The following SVEP1 variants were observed in gnomAD, a reference collection of about 807,000 sequenced individuals.
SVEP1 encodes the protein sushi, von Willebrand factor type A, EGF and pentraxin domain-containing protein 1.
SVEP1 carries 164 observed loss-of-function variants against 367.3 expected under a neutral mutation model. The observed-to-expected ratio is 0.45, with a 90% CI of 0.39 to 0.51. The LOEUF (loss-of-function observed/expected upper bound fraction) is 0.51. Among genes scored for constraint, SVEP1 ranks in the 20% least tolerant of loss-of-function variants. The pLI is 0.00. For synonymous variants in SVEP1, 1,666 were observed against 1,611.6 expected (o/e 1.03, Z -0.81); for missense variants, 4,117 against 4,425.3 (o/e 0.93, Z 1.98).
At chr9:110,530,852 G>C (rs955685269) in intron 3 of SVEP1, among the ~76,000 whole-genome samples, 2 of 152,034 alleles carry the variant, frequency 1.3e-5, no homozygotes, top group African/African-American at 4.8e-5. Flanking sequence ...TCATATATCA[G>C]GATCAGTAAA....
chr9:110,378,001 A>T (rs1827376905), intron 44 of SVEP1, among the ~76,000 whole-genome samples: 1 of 152,210 alleles, frequency 6.6e-6, no homozygotes, highest in Non-Finnish European at 1.5e-5. Flanking sequence ...TTCATGTAGC[A>T]TGATGTCCTC....
At chr9:110,568,674 G>A (rs541864911) in intron 1 of SVEP1, among the ~76,000 whole-genome samples, 1 of 152,144 alleles carries the variant, frequency 6.6e-6, no homozygotes, top group Non-Finnish European at 1.5e-5. Context: ...AAGAAAATAA[G>A]GATGATTACA....
At position 110,432,497 on chromosome 9, in the gene SVEP1, T is replaced by C. The variant is rs1238090327; in HGVS notation, c.5198A>G (p.Asn1733Ser). ...TGGTGAAACGCCGTTCCAGCTCCCA[T>C]TATCTGTACAGAACATCCTTGAGTC... ...LGDSRMFCTDNGSWNGVSPSC... is the reference protein window; with the variant it reads ...LGDSRMFCTDSGSWNGVSPSC... Residue 1733 changes from asparagine (N) to serine (S), a missense_variant, in exon 31 of 48, where the codon AAT becomes AGT. Asn to Ser is a conservative substitution (Grantham distance 46, BLOSUM62 1). Coordinates refer to ENST00000374469, the MANE Select transcript of SVEP1 (RefSeq NM_153366.4). The C allele has an allele frequency of 2.5e-6, 4 of 1,613,502 alleles. No homozygotes were observed. The highest frequency in any genetic ancestry group is 3.4e-6 in the Non-Finnish European group (4 of 1,179,736).
chr9:110,411,288 G>A lies in SVEP1; in HGVS notation c.6423C>T (p.Cys2141=), dbSNP rs1204896196. 2.5e-6 allele frequency: 4 copies of A among 1,614,030 alleles called. No homozygotes were observed. Among genetic ancestry groups the A allele is most frequent in the Admixed American group, 1.7e-5 (1 of 60,018 alleles). ...QWNPSPMSIQ[C]IPVRCGEPPS... is the part of the protein sequence containing the mutation. ...GTGGCTCTCCACACCGCACAGGGAT[G>A]CACTGGATGGACATGGGGGAAGGGT... The change falls in exon 37 of 48, where the codon TGC becomes TGT. Residue 2141 remains cysteine (C), a synonymous_variant. Transcript: ENST00000374469.
At chr9:110,441,572 A>G (rs566530489) in intron 27 of SVEP1, among the ~76,000 whole-genome samples, 2 of 152,300 alleles carry the variant, frequency 1.3e-5, no homozygotes, top group East Asian at 3.9e-4. Flanking sequence ...CAGTGTGTGG[A>G]TACACATCCA....
intron 46 of SVEP1, among the ~76,000 whole-genome samples, chr9:110,374,264 C>A (rs1304866104): frequency 6.6e-6 from 1 of 152,106 alleles, no homozygotes; most frequent in Non-Finnish European, 1.5e-5. Context: ...GTTTTTTGTT[C>A]CTTTTATAAG....
At position 110,511,791 on chromosome 9, in the gene SVEP1, A is replaced by G. The variant is rs369158033; in HGVS notation, c.1303+1135T>C. Among the ~76,000 whole-genome samples, 132 of 152,212 alleles carry G rather than the reference A, an allele frequency of 8.7e-4. 3 individuals are homozygous for G. The South Asian group carries it at 0.027, about 31-fold the overall frequency. On this transcript the variant is annotated intron_variant, in intron 5 of 47. Transcript: ENST00000374469. ...AGATGTCTCCTGGGATTCACAAATGATCTTGGAGTCATGAGTAGGTGGTTC... is the reference window on the plus strand; with the variant it reads ...AGATGTCTCCTGGGATTCACAAATGGTCTTGGAGTCATGAGTAGGTGGTTC...
At chr9:110,432,724 G>T in intron 30 of SVEP1, 89 bp from the exon 31 acceptor site, 2 of 1,438,944 alleles carry the variant, frequency 1.4e-6, no homozygotes, top group Non-Finnish European at 9.4e-7. Flanking sequence ...GTTCAGTTAA[G>T]CATGACATTT....
intron 1 of SVEP1, among the ~76,000 whole-genome samples, chr9:110,557,227 T>C (rs1030505922): frequency 1.1e-4 from 16 of 152,332 alleles, no homozygotes; most frequent in African/African-American, 3.8e-4. Context: ...TTCCAAGCTT[T>C]TCTTCTACAC....
rs149130089 is a variant in SVEP1, at chr9:110,436,553, C to A, written c.4640-49G>T. The A allele has an allele frequency of 3.0e-3, 4,636 of 1,568,930 alleles. 13 individuals carry two copies. Among genetic ancestry groups the A allele is most frequent in the Middle Eastern group, 4.1e-3 (24 of 5,914 alleles). ...AAAGGAGGAAAACTGGCCTGATGGT[C>A]TGTTATTCCTAAAATCCAAATTTAA... On this transcript the variant is annotated intron_variant, in intron 27 of 47. Coordinates refer to ENST00000374469, the MANE Select transcript of SVEP1 (RefSeq NM_153366.4).
chr9:110,572,789 CAA>C lies in SVEP1; in HGVS notation c.531+6222_531+6223del, dbSNP rs56077443. Reference sequence around the variant, plus strand: ...AGAGGGTGACCCTCTCTCTCTCTCACAAAAAAAAAAAAAAAAAAAAAAAAAAA... The same window carrying C: ...AGAGGGTGACCCTCTCTCTCTCTCACAAAAAAAAAAAAAAAAAAAAAAAAA... On this transcript the variant is annotated intron_variant, in intron 1 of 47. Transcript: ENST00000374469. Among the ~76,000 whole-genome samples, 69 of 76,504 alleles carry C rather than the reference CAA, an allele frequency of 9.0e-4. 1 individual carries two copies. The East Asian group carries it at 0.019, about 21-fold the overall frequency. The allele number at this position is 76,504 out of a possible 152,430, so 50.2% of individuals were successfully genotyped here. A position where few individuals can be genotyped will look rare whatever the true frequency, so the allele number is the denominator to read the frequency against.
intron 5 of SVEP1, chr9:110,512,657 T>G: frequency 2.1e-6 from 1 of 473,294 alleles, no homozygotes; most frequent in Non-Finnish European, 3.9e-6. Context: ...GGCTTGAAAT[T>G]TGAGGTTTGG....
intron 10 of SVEP1, among the ~76,000 whole-genome samples, chr9:110,482,741 T>C (rs1339241387): frequency 6.6e-6 from 1 of 152,208 alleles, no homozygotes. Context: ...TTGGCCAGGC[T>C]GGTCTTGAAC....
chr9:110,411,029 A>G lies in SVEP1; in HGVS notation c.6648+34T>C, dbSNP rs760257304. The G allele has an allele frequency of 2.0e-6, 3 of 1,507,692 alleles. No individual in the cohort carries two copies. In the East Asian group the frequency reaches 6.9e-5, roughly 34 times the overall value. 93.4% of individuals were successfully genotyped at this position (1,507,692 alleles called of 1,614,324 possible). On this transcript the variant is annotated intron_variant, in intron 37 of 47. Coordinates refer to ENST00000374469, the MANE Select transcript of SVEP1 (RefSeq NM_153366.4). ...TTTATTTATTATGGGCCCTGTGACA[A>G]AAGCCACAGACCATTTGCTAATTGG...
chr9:110,531,898 A>G (rs867443925), intron 3 of SVEP1, among the ~76,000 whole-genome samples: 1 of 152,212 alleles, frequency 6.6e-6, no homozygotes, highest in Non-Finnish European at 1.5e-5. Flanking sequence ...TAGTAACCAC[A>G]TAACATAAAA....
intron 5 of SVEP1, 97 bp from the exon 6 acceptor site, chr9:110,503,314 AT>A: frequency 7.9e-7 from 1 of 1,271,820 alleles, no homozygotes; most frequent in Non-Finnish European, 1.1e-6. Context: ...AAGCAAGACA[AT>A]TTTCTTTTCT....
In SVEP1 at chr9:110,407,965, A is replaced by C. The variant is rs761369193; in HGVS notation, c.7635T>G (p.Asp2545Glu). The change falls in exon 38 of 48, where the codon GAT becomes GAG. Residue 2545 changes from aspartate to glutamate, a missense_variant. Transcript: ENST00000374469. ...TGGCATTGCAAGATGGGGCATCTAC[A>C]TCCCAATCACCTGTCTCTAAACAGG... ...ALTCLETGDW[D>E]VDAPSCNAIH... is the part of the protein sequence containing the mutation. 1.2e-6 allele frequency: 2 copies of C among 1,613,884 alleles called. No homozygotes were observed. The highest frequency in any genetic ancestry group is 2.7e-5 in the African/African-American group (2 of 74,932).
chr9:110,439,473 GA>G (rs1564143241), intron 27 of SVEP1, among the ~76,000 whole-genome samples: 16 of 151,898 alleles, frequency 1.1e-4, no homozygotes, highest in African/African-American at 3.6e-4. Flanking sequence ...ACCTCACTGC[GA>G]CCTCTGCCTC....
Position 110,458,945 on chromosome 9 carries a change from A to T in SVEP1, c.3484+7T>A, listed in dbSNP as rs372382958. ...TAGGATTACATAAGAAATGAAGTTC[A>T]TCTTACTTGAACATTCTGTGATGGA... On this transcript the variant is annotated splice_region_variant and intron_variant, in intron 19 of 47. Coordinates refer to ENST00000374469, the MANE Select transcript of SVEP1 (RefSeq NM_153366.4). 651 of 1,608,420 alleles carry T rather than the reference A, an allele frequency of 4.0e-4. No individual in the cohort carries two copies. The highest frequency in any genetic ancestry group is 5.3e-4 in the Non-Finnish European group (627 of 1,175,742).
Sources: allele counts gnomAD v4.1 joint callset (sites outside exome capture counted in the v4.1 genomes callset), GRCh38; gene constraint gnomAD v4.1.1; transcripts MANE v1.5; gene names NCBI Gene and HGNC (gene_info 2026-07-23, HGNC 2026-07-21).